CARMIL1: variants seen among roughly 807,000 people sequenced by gnomAD.
The protein encoded by CARMIL1 is capping protein regulator and myosin 1 linker 1, also known as F-actin-uncapping protein LRRC16A.
CARMIL1 carries 90 observed loss-of-function variants against 177.1 expected under a neutral mutation model. The observed-to-expected ratio is 0.51, with a 90% CI of 0.43 to 0.61. CARMIL1 has a LOEUF of 0.61. Among genes scored for constraint, CARMIL1 ranks in the 20% least tolerant of loss-of-function variants. CARMIL1 has a pLI of 0.00. For missense variants in CARMIL1, 1,380 were observed against 1,667.0 expected, an observed-to-expected ratio of 0.83 and a Z score of 3.00; for synonymous variants, 577 against 606.2, an observed-to-expected ratio of 0.95 and a Z score of 0.71.
In CARMIL1 at chr6:25,406,636, T is replaced by C. The variant is rs561442623; in HGVS notation, c.139-13478T>C. On this transcript the variant is annotated intron_variant, in intron 2 of 36. Transcript: ENST00000329474. ...GAGGTATTTAGGGAGGTAGACTGCA[T>C]TGAACTTGGAGAATGACTAAGATAG... 3.9e-5 allele frequency among the ~76,000 whole-genome samples: 6 copies of C among 152,174 alleles called. 1 individual carries two copies. The South Asian group carries it at 1.0e-3, about 26-fold the overall frequency.
At chr6:25,462,080 C>T (rs1194532683) in intron 8 of CARMIL1, among the ~76,000 whole-genome samples, 2 of 152,040 alleles carry the variant, frequency 1.3e-5, no homozygotes, top group Admixed American at 6.5e-5. Flanking sequence ...ATTCCTTTTT[C>T]AGAAATGGGA....
At chr6:25,366,512 A>G (rs1002857016) in intron 2 of CARMIL1, among the ~76,000 whole-genome samples, 10 of 151,448 alleles carry the variant, frequency 6.6e-5, no homozygotes, top group African/African-American at 2.2e-4. Context: ...ACATGCCCCT[A>G]TGTCTTCGTT....
At chr6:25,498,105 A>G (rs1803922028) in intron 16 of CARMIL1, among the ~76,000 whole-genome samples, 1 of 152,056 alleles carries the variant, frequency 6.6e-6, no homozygotes, top group Admixed American at 6.5e-5. Flanking sequence ...CCCTCCCCCA[A>G]GCCTTTCTTC....
intron 13 of CARMIL1, among the ~76,000 whole-genome samples, chr6:25,490,559 G>A (rs1031397755): frequency 1.3e-5 from 2 of 152,138 alleles, no homozygotes; most frequent in Non-Finnish European, 1.5e-5. Flanking sequence ...TTAGCTGGGC[G>A]TGGTGTCACA....
intron 11 of CARMIL1, 142 bp from the exon 12 acceptor site, chr6:25,482,115 A>G (rs1039834478): frequency 6.4e-5 from 38 of 598,288 alleles, no homozygotes; most frequent in Non-Finnish European, 1.0e-4. Flanking sequence ...TTGATGGTAA[A>G]TGTTTAGAAA....
intron 2 of CARMIL1, among the ~76,000 whole-genome samples, chr6:25,355,271 TG>T (rs934149082): frequency 3.9e-5 from 6 of 152,176 alleles, no homozygotes; most frequent in Non-Finnish European, 7.4e-5. Context: ...CTCTATGTCT[TG>T]GGCTAGACAC....
At chr6:25,382,747 C>G (rs748754275) in intron 2 of CARMIL1, among the ~76,000 whole-genome samples, 27 of 152,114 alleles carry the variant, frequency 1.8e-4, no homozygotes, top group Non-Finnish European at 2.8e-4. Flanking sequence ...CTGATTGATG[C>G]ATTTACAATC....
intron 11 of CARMIL1, among the ~76,000 whole-genome samples, chr6:25,482,041 T>G (rs1802166124): frequency 6.6e-6 from 1 of 152,210 alleles, no homozygotes; most frequent in South Asian, 2.1e-4. Context: ...TCAGATATTG[T>G]ATGCCTAATA....
chr6:25,604,852 C>A lies in CARMIL1; in HGVS notation c.3593C>A (p.Pro1198Gln). ...GCCGTATCCCAGGATTCTTCCAGCCCAGCTTTGAGCGGCGTAGAACGGTCG... is the reference window on the plus strand; with the variant it reads ...GCCGTATCCCAGGATTCTTCCAGCCAAGCTTTGAGCGGCGTAGAACGGTCG... ...NDAVSQDSSS[P>Q]ALSGVERSDG... Residue 1198 changes from proline (P) to glutamine (Q), a missense_variant, in exon 34 of 37, where the codon CCA becomes CAA. Transcript: ENST00000329474. The A allele has an allele frequency of 6.3e-7, 1 of 1,598,004 alleles. No homozygotes were observed. Among genetic ancestry groups the A allele is most frequent in the East Asian group, 2.3e-5 (1 of 44,380 alleles).
intron 29 of CARMIL1, among the ~76,000 whole-genome samples, chr6:25,575,603 G>A (rs574887536): frequency 6.9e-4 from 105 of 152,152 alleles, no homozygotes; most frequent in African/African-American, 2.5e-3. Flanking sequence ...TGGGCAATTC[G>A]GGAAAATATA....
At position 25,284,884 on chromosome 6, in the gene CARMIL1, G is replaced by C. The variant is rs1781416250; in HGVS notation, c.113G>C (p.Gly38Ala). 6.4e-7 allele frequency: 1 copy of C among 1,568,556 alleles called. No individual in the cohort carries two copies. The highest frequency in any genetic ancestry group is 8.7e-7 in the Non-Finnish European group (1 of 1,154,436). Residue 38 changes from glycine to alanine, a missense_variant, in exon 2 of 37, where the codon GGA becomes GCA. Gly to Ala is a moderately conservative substitution (Grantham distance 60). Transcript: ENST00000329474. Reference protein sequence around the residue: ...VKKKVKLEVKGDKVENKVLVL... With the variant: ...VKKKVKLEVKADKVENKVLVL... ...AAGAAAGTAAAGTTGGAAGTTAAGG[G>C]AGACAAAGTTGAAAACAAAGTGCTG... is the stretch of plus-strand genomic sequence containing the variant.
intron 8 of CARMIL1, among the ~76,000 whole-genome samples, chr6:25,461,808 C>T (rs1476509952): frequency 6.6e-6 from 1 of 152,064 alleles, no homozygotes; most frequent in Non-Finnish European, 1.5e-5. Context: ...TTTGAGAGTT[C>T]CAGTTGCTCT....
At chr6:25,541,608 A>T (rs190045) in intron 26 of CARMIL1, among the ~76,000 whole-genome samples, 1 of 152,048 alleles carries the variant, frequency 6.6e-6, no homozygotes, top group Non-Finnish European at 1.5e-5. Flanking sequence ...AAGTTGTTCA[A>T]CCTTTTAATA....
intron 27 of CARMIL1, among the ~76,000 whole-genome samples, chr6:25,552,853 T>G (rs1270153515): frequency 6.6e-6 from 1 of 152,142 alleles, no homozygotes. Flanking sequence ...TACTTAAAAT[T>G]AGATTTTCAG....
rs1296124307 is a variant in CARMIL1 at position 25,390,314 on chromosome 6, A to ATTTT, written c.139-29799_139-29798insTTTT. On this transcript the variant is annotated intron_variant, in intron 2 of 36. Coordinates refer to ENST00000329474, the MANE Select transcript of CARMIL1 (RefSeq NM_017640.6). ...TTTACATATATATATATATATATAT[A>ATTTT]TATATATTTTTTTTTTTTTTTTTTT... is the stretch of plus-strand genomic sequence containing the variant. 2.8e-4 allele frequency among the ~76,000 whole-genome samples: 11 copies of ATTTT among 39,510 alleles called. 1 individual carries two copies. The highest frequency in any genetic ancestry group is 1.1e-3 in the East Asian group (2 of 1,854). 25.9% of individuals were successfully genotyped at this position (39,510 alleles called of 152,430 possible).
At position 25,466,097 on chromosome 6, in the gene CARMIL1, G is replaced by A. The variant is rs567926606; in HGVS notation, c.690+149G>A. ...AGGTATTTTCCTTTAAATGATTTGCGTAACATTTAGTCAAATTTGTAATGT... is the reference window on the plus strand; with the variant it reads ...AGGTATTTTCCTTTAAATGATTTGCATAACATTTAGTCAAATTTGTAATGT... On this transcript the variant is annotated intron_variant, in intron 9 of 36. Transcript: ENST00000329474. The A allele has an allele frequency of 8.0e-5, 48 of 603,500 alleles. 2 individuals carry two copies. The highest frequency in any genetic ancestry group is 2.9e-4 in the South Asian group (14 of 49,010). The allele number at this position is 603,500 out of a possible 1,614,324, so 37.4% of individuals were successfully genotyped here. A position where few individuals can be genotyped will look rare whatever the true frequency, so the allele number is the denominator to read the frequency against.
chr6:25,361,404 A>T lies in CARMIL1; in HGVS notation c.139-58710A>T, dbSNP rs770770348. Among the ~76,000 whole-genome samples the T allele has an allele frequency of 4.4e-4, 65 of 147,710 alleles. No individual in the cohort carries two copies. In the Middle Eastern group the frequency reaches 0.017, roughly 39 times the overall value. ...CCCCCCTGCACACTCCTCCCACCCCACCCTTCCAAGCTTGATCTCAGCAAA... is the reference window on the plus strand; with the variant it reads ...CCCCCCTGCACACTCCTCCCACCCCTCCCTTCCAAGCTTGATCTCAGCAAA... On this transcript the variant is annotated intron_variant, in intron 2 of 36. Coordinates refer to ENST00000329474, the MANE Select transcript of CARMIL1 (RefSeq NM_017640.6).
chr6:25,542,440 A>G (rs945452776), intron 26 of CARMIL1, among the ~76,000 whole-genome samples: 2 of 152,180 alleles, frequency 1.3e-5, no homozygotes, highest in African/African-American at 4.8e-5. Flanking sequence ...ACCCCTCTTT[A>G]AACATCACCA....
intron 2 of CARMIL1, among the ~76,000 whole-genome samples, chr6:25,352,072 A>G (rs1368741818): frequency 6.6e-6 from 1 of 152,072 alleles, no homozygotes; most frequent in Non-Finnish European, 1.5e-5. Context: ...ATTTATCAAA[A>G]CCCAGCAAGG....
Sources: gnomAD v4.1 joint callset for allele counts (sites outside exome capture counted in the v4.1 genomes callset) on GRCh38, gnomAD v4.1.1 for gene constraint, MANE v1.5 for transcripts, NCBI Gene and HGNC (gene_info 2026-07-23, HGNC 2026-07-21) for gene names.